The following BMAL1 variants were observed in gnomAD, a reference collection of about 807,000 sequenced individuals.
BMAL1 encodes the protein basic helix-loop-helix ARNT like 1, also known as basic helix-loop-helix ARNT-like protein 1.
At chr11:13,307,750 G>A in the BMAL1 span, among the ~76,000 whole-genome samples, 1 of 152,286 alleles carries the variant, frequency 6.6e-6, no homozygotes, top group South Asian at 2.1e-4. Context: ...TGAGAAATCA[G>A]AAGATAGGTG....
At chr11:13,354,959 T>C in the BMAL1 span, 1 of 290,424 alleles carries the variant, frequency 3.4e-6, no homozygotes, top group Non-Finnish European at 6.5e-6. Flanking sequence ...ATGAACTTGT[T>C]ATATTAAATA....
chr11:13,381,175 C>G, the BMAL1 span: 1 of 1,614,104 alleles, frequency 6.2e-7, no homozygotes, highest in Non-Finnish European at 8.5e-7. Flanking sequence ...AGAGGGTCAT[C>G]GCCTTCTAGC....
At chr11:13,288,401 TC>T in the BMAL1 span, among the ~76,000 whole-genome samples, 1 of 22,328 alleles carries the variant, frequency 4.5e-5, no homozygotes, top group African/African-American at 8.6e-5. Context: ...CTTTTTTCTT[TC>T]TTTCTTTCTT....
chr11:13,326,109 A>G, the BMAL1 span, among the ~76,000 whole-genome samples: 1 of 151,888 alleles, frequency 6.6e-6, no homozygotes, highest in African/African-American at 2.4e-5. Context: ...AGGCTGAGGC[A>G]GGAGAATTGT....
chr11:13,372,174 A>G, the BMAL1 span: 1 of 1,613,768 alleles, frequency 6.2e-7, no homozygotes, highest in African/African-American at 1.3e-5. Context: ...AGATCGAAAA[A>G]GCTTCTGCAC....
chr11:13,294,376 A>T, the BMAL1 span, among the ~76,000 whole-genome samples: 2 of 144,318 alleles, frequency 1.4e-5, no homozygotes, highest in African/African-American at 2.6e-5. Flanking sequence ...TTTTATTCTC[A>T]TCTCCTTCTC....
chr11:13,316,586 C>T, the BMAL1 span, among the ~76,000 whole-genome samples: 1 of 152,094 alleles, frequency 6.6e-6, no homozygotes, highest in Non-Finnish European at 1.5e-5. Context: ...ATGTGAAAAC[C>T]CTACCTAGAT....
At chr11:13,334,972 T>C in the BMAL1 span, among the ~76,000 whole-genome samples, 1 of 152,196 alleles carries the variant, frequency 6.6e-6, no homozygotes, top group African/African-American at 2.4e-5. Flanking sequence ...GCTTTCCAGA[T>C]AGCACGCATT....
chr11:13,374,073 ATATTCCTT>A, the BMAL1 span: 3 of 1,603,086 alleles, frequency 1.9e-6, no homozygotes, highest in South Asian at 3.3e-5. Flanking sequence ...TCTTCTTTAA[ATATTCCTT>A]TATTCCCTTT....
the BMAL1 span, chr11:13,355,240 T>C: frequency 6.2e-7 from 1 of 1,613,644 alleles, no homozygotes; most frequent in Non-Finnish European, 8.5e-7. Flanking sequence ...CAGGTCGAAT[T>C]TGGGGAGCAC....
At chr11:13,345,906 G>A in the BMAL1 span, among the ~76,000 whole-genome samples, 1 of 152,154 alleles carries the variant, frequency 6.6e-6, no homozygotes, top group African/African-American at 2.4e-5. Flanking sequence ...ATGATGAGTT[G>A]TACAATAGTA....
At chr11:13,382,417 C>T in the BMAL1 span, among the ~76,000 whole-genome samples, 4 of 152,140 alleles carry the variant, frequency 2.6e-5, no homozygotes, top group Admixed American at 6.5e-5. Flanking sequence ...CATCTTTGCA[C>T]GAGGTCCTAC....
At chr11:13,310,763 G>A in the BMAL1 span, among the ~76,000 whole-genome samples, 15 of 152,294 alleles carry the variant, frequency 9.8e-5, no homozygotes, top group East Asian at 7.7e-4. Flanking sequence ...CTAAATGCCC[G>A]GCTAAGGCAC....
At chr11:13,323,685 T>A in the BMAL1 span, among the ~76,000 whole-genome samples, 7 of 152,300 alleles carry the variant, frequency 4.6e-5, no homozygotes, top group African/African-American at 1.7e-4. Flanking sequence ...GGTATCATCT[T>A]GGCTCACTGC....
the BMAL1 span, among the ~76,000 whole-genome samples, chr11:13,323,113 A>T: frequency 6.6e-6 from 1 of 151,906 alleles, no homozygotes; most frequent in Non-Finnish European, 1.5e-5. Flanking sequence ...AGCAAGTCTT[A>T]AAAGATGAGT....
chr11:13,358,624 C>A, the BMAL1 span: 1 of 1,513,766 alleles, frequency 6.6e-7, no homozygotes, highest in South Asian at 1.3e-5. Flanking sequence ...CCTTTATGTC[C>A]TTGCCCACAA....
the BMAL1 span, chr11:13,366,759 G>A: frequency 1.2e-6 from 2 of 1,613,840 alleles, no homozygotes; most frequent in South Asian, 2.2e-5. Context: ...ACCGCACCCC[G>A]GGAGCGGCTC....
the BMAL1 span, chr11:13,365,737 G>T: frequency 1.6e-6 from 1 of 607,890 alleles, no homozygotes; most frequent in African/African-American, 1.9e-5. Flanking sequence ...AATTAATTTA[G>T]ACTTAGAACA....
the BMAL1 span, among the ~76,000 whole-genome samples, chr11:13,337,144 T>C: frequency 6.6e-6 from 1 of 152,196 alleles, no homozygotes; most frequent in African/African-American, 2.4e-5. Flanking sequence ...GTCCTTTCTG[T>C]GTTTATGAAA....
Sources: gnomAD v4.1 joint callset for allele counts (sites outside exome capture counted in the v4.1 genomes callset) on GRCh38, gnomAD v4.1.1 for gene constraint, MANE v1.5 for transcripts, NCBI Gene and HGNC (gene_info 2026-07-23, HGNC 2026-07-21) for gene names.